Variants in NKAIN2 observed in about 807,000 individuals in gnomAD.
NKAIN2 encodes the protein sodium/potassium transporting ATPase interacting 2.
Under a neutral mutation model 32.6 loss-of-function variants are expected in NKAIN2, and 14 were observed. The ratio of observed to expected loss-of-function variants is 0.43; its 90% CI spans 0.28 to 0.67. The LOEUF (loss-of-function observed/expected upper bound fraction) is 0.67. Ranked by LOEUF, NKAIN2 falls within the 30% of genes least tolerant of loss-of-function variation. The pLI, the probability that NKAIN2 is intolerant of heterozygous loss-of-function variation, is 0.17. For synonymous variants in NKAIN2, 80 were observed against 87.2 expected (o/e 0.92, Z 0.46); for missense variants, 198 against 258.3 (o/e 0.77, Z 1.60).
chr6:124,570,867 T>TCCTCTGCAAA (rs1781101056), intron 3 of NKAIN2, among the ~76,000 whole-genome samples: 1 of 152,264 alleles, frequency 6.6e-6, no homozygotes, highest in Non-Finnish European at 1.5e-5. Flanking sequence ...GCTTGCATCA[T>TCCTCTGCAAA]GCTCCTGGAA....
intron 2 of NKAIN2, among the ~76,000 whole-genome samples, chr6:124,316,095 T>A (rs1021015645): frequency 1.3e-5 from 2 of 152,094 alleles, no homozygotes; most frequent in Non-Finnish European, 2.9e-5. Flanking sequence ...AGTTAACTTT[T>A]TTTTGTATAT....
At chr6:124,709,361 G>A (rs1271268138) in intron 4 of NKAIN2, among the ~76,000 whole-genome samples, 2 of 150,796 alleles carry the variant, frequency 1.3e-5, no homozygotes, top group African/African-American at 4.9e-5. Context: ...CATAAAATGA[G>A]TTAGGGAGGA....
At chr6:124,354,212 T>C (rs1798863752) in intron 2 of NKAIN2, among the ~76,000 whole-genome samples, 1 of 152,204 alleles carries the variant, frequency 6.6e-6, no homozygotes, top group Non-Finnish European at 1.5e-5. Flanking sequence ...TCCTGTCTTG[T>C]GCTCAGACTT....
intron 2 of NKAIN2, among the ~76,000 whole-genome samples, chr6:124,309,771 G>C (rs190094587): frequency 1.3e-5 from 2 of 152,084 alleles, no homozygotes; most frequent in African/African-American, 4.8e-5. Context: ...GATTTTTACT[G>C]GGCTTTTTAA....
chr6:124,514,594 G>T (rs551337215), intron 3 of NKAIN2, among the ~76,000 whole-genome samples: 4 of 152,094 alleles, frequency 2.6e-5, no homozygotes, highest in African/African-American at 9.7e-5. Flanking sequence ...TGCAACTTCA[G>T]TGTTGGGTAG....
intron 3 of NKAIN2, among the ~76,000 whole-genome samples, chr6:124,529,498 C>T (rs1779442518): frequency 6.6e-6 from 1 of 152,094 alleles, no homozygotes; most frequent in Non-Finnish European, 1.5e-5. Flanking sequence ...ATTTCATTTC[C>T]CTTTAGTCCA....
intron 1 of NKAIN2, among the ~76,000 whole-genome samples, chr6:124,069,083 C>T (rs72974590): frequency 6.6e-6 from 1 of 152,094 alleles, no homozygotes. Flanking sequence ...TTTTGAAAAC[C>T]TCTTTGGTTA....
intron 1 of NKAIN2, among the ~76,000 whole-genome samples, chr6:123,812,438 A>G (rs768879285): frequency 2.0e-5 from 3 of 152,184 alleles, no homozygotes; most frequent in Admixed American, 6.6e-5. Context: ...TTGTTTTCAG[A>G]TGCTTGGCTA....
At chr6:123,836,368 A>G (rs766159301) in intron 1 of NKAIN2, among the ~76,000 whole-genome samples, 27 of 152,130 alleles carry the variant, frequency 1.8e-4, no homozygotes, top group Admixed American at 1.2e-3. Context: ...TACCACGAGA[A>G]ATTTTGTTGA....
rs544464075 is a variant in NKAIN2 at position 124,001,198 on chromosome 6, CT to C, written c.54+196955del. ...TTTTGGAGTGACTTTAGTTTGTAAACTTTTTTTTTTTGGCTCTTTAAAGGGA... is the reference window on the plus strand; with the variant it reads ...TTTTGGAGTGACTTTAGTTTGTAAACTTTTTTTTTTGGCTCTTTAAAGGGA... On this transcript the variant is annotated intron_variant, in intron 1 of 6. Coordinates refer to ENST00000368417, the MANE Select transcript of NKAIN2 (RefSeq NM_001040214.3). 4.4e-3 allele frequency among the ~76,000 whole-genome samples: 643 copies of C among 145,208 alleles called. 1 individual carries two copies. The highest frequency in any genetic ancestry group is 5.0e-3 in the African/African-American group (199 of 39,858).
chr6:124,404,093 A>G (rs955969650), intron 3 of NKAIN2, among the ~76,000 whole-genome samples: 2 of 152,122 alleles, frequency 1.3e-5, no homozygotes, highest in Admixed American at 6.6e-5. Context: ...ATCTGAAAAT[A>G]TTGTGTAGAA....
At chr6:123,924,157 T>G (rs1775900918) in intron 1 of NKAIN2, among the ~76,000 whole-genome samples, 1 of 152,186 alleles carries the variant, frequency 6.6e-6, no homozygotes. Flanking sequence ...GAAATGCATT[T>G]GGCAATTATT....
chr6:124,413,015 C>T (rs619557), intron 3 of NKAIN2, among the ~76,000 whole-genome samples: 3 of 152,030 alleles, frequency 2.0e-5, no homozygotes, highest in Non-Finnish European at 4.4e-5. Flanking sequence ...TTGTTAAGCC[C>T]GTTGGAAAAG....
At chr6:124,478,547 A>G (rs1777322459) in intron 3 of NKAIN2, among the ~76,000 whole-genome samples, 1 of 152,230 alleles carries the variant, frequency 6.6e-6, no homozygotes, top group African/African-American at 2.4e-5. Context: ...GGGGTATGTC[A>G]AAGGGACATT....
At chr6:124,174,126 T>C (rs868335681) in intron 1 of NKAIN2, among the ~76,000 whole-genome samples, 9 of 152,126 alleles carry the variant, frequency 5.9e-5, no homozygotes, top group African/African-American at 2.2e-4. Context: ...GTGAGGTTTA[T>C]AGAATTTAAA....
intron 1 of NKAIN2, among the ~76,000 whole-genome samples, chr6:123,812,150 TAC>T (rs1441514029): frequency 6.6e-6 from 1 of 152,162 alleles, no homozygotes; most frequent in East Asian, 1.9e-4. Context: ...AGCAAATATT[TAC>T]AGAGTGCTTG....
chr6:123,898,710 A>G (rs1774407369), intron 1 of NKAIN2, among the ~76,000 whole-genome samples: 2 of 152,160 alleles, frequency 1.3e-5, no homozygotes, highest in African/African-American at 2.4e-5. Flanking sequence ...CATCATCATC[A>G]TCACTGTCAT....
intron 1 of NKAIN2, among the ~76,000 whole-genome samples, chr6:123,988,903 G>GTGTGTGTA (rs149176584): frequency 1.1e-3 from 156 of 148,134 alleles, no homozygotes; most frequent in Middle Eastern, 6.9e-3. Context: ...GTGTGTGTGT[G>GTGTGTGTA]TGTATGTGAG....
chr6:124,807,756 AAGAG>A (rs1314648214), intron 5 of NKAIN2, among the ~76,000 whole-genome samples: 2 of 151,898 alleles, frequency 1.3e-5, no homozygotes, highest in African/African-American at 4.8e-5. Flanking sequence ...TAAAGAAAAA[AAGAG>A]AGAAGAATCA....
Sources: gnomAD v4.1 joint callset for allele counts (sites outside exome capture counted in the v4.1 genomes callset) on GRCh38, gnomAD v4.1.1 for gene constraint, MANE v1.5 for transcripts, NCBI Gene and HGNC (gene_info 2026-07-23, HGNC 2026-07-21) for gene names.